The following NTRK3 variants were observed in gnomAD, a reference collection of about 807,000 sequenced individuals.
NTRK3 encodes NT-3 growth factor receptor.
Under a neutral mutation model 91.7 loss-of-function variants are expected in NTRK3, and 24 were observed. The observed-to-expected ratio is 0.26, with a 90% confidence interval of 0.19 to 0.37. The LOEUF (loss-of-function observed/expected upper bound fraction) is 0.37, where lower values mean the gene tolerates loss of function less well. NTRK3 is among the 10% of genes least tolerant of loss of function. The probability of loss-of-function intolerance (pLI) is 1.00; values close to 1 mark genes in which losing one functional copy is unlikely to be tolerated. For missense variants in NTRK3, 880 were observed against 1,068.9 expected (o/e 0.82, Z 2.46); for synonymous variants, 483 against 404.0 (o/e 1.20, Z -2.34).
chr15:88,138,227 C>T (rs1395601670), intron 6 of NTRK3, among the ~76,000 whole-genome samples: 1 of 151,494 alleles, frequency 6.6e-6, no homozygotes, highest in African/African-American at 2.4e-5. Context: ...CACTGTGAAA[C>T]CCCCATCTCT....
chr15:87,986,650 G>T (rs2141433362), intron 14 of NTRK3, among the ~76,000 whole-genome samples: 1 of 152,340 alleles, frequency 6.6e-6, no homozygotes, highest in African/African-American at 2.4e-5. Context: ...TCCATGATGT[G>T]AATATGCTAC....
chr15:88,155,675 T>C (rs2043822095), intron 5 of NTRK3, among the ~76,000 whole-genome samples: 1 of 152,118 alleles, frequency 6.6e-6, no homozygotes, highest in Admixed American at 6.5e-5. Context: ...ATAGATATAA[T>C]AAAAGACACA....
At chr15:87,867,704 T>G in exon 19 of NTRK3, 1 of 228,880 alleles carries the variant, frequency 4.4e-6, no homozygotes, top group Non-Finnish European at 8.7e-6. Flanking sequence ...ACGTTCTAAT[T>G]CAATTTGAGT....
intron 14 of NTRK3, among the ~76,000 whole-genome samples, chr15:88,012,394 C>T: frequency 6.6e-6 from 1 of 152,178 alleles, no homozygotes; most frequent in Non-Finnish European, 1.5e-5. Flanking sequence ...CTCATTCTTG[C>T]GCCTTGCTTA....
intron 3 of NTRK3, among the ~76,000 whole-genome samples, chr15:88,242,015 TC>T (rs2052404169): frequency 1.3e-5 from 2 of 152,082 alleles, no homozygotes; most frequent in Non-Finnish European, 2.9e-5. Context: ...TCAGAGACTC[TC>T]CAATAAACCC....
chr15:87,930,475 G>A (rs1310823443), intron 16 of NTRK3, among the ~76,000 whole-genome samples: 1 of 152,068 alleles, frequency 6.6e-6, no homozygotes, highest in African/African-American at 2.4e-5. Context: ...ATCTCCGGTG[G>A]GCTCTGCCTA....
At chr15:88,086,230 A>G (rs2150707203) in intron 13 of NTRK3, among the ~76,000 whole-genome samples, 2 of 152,312 alleles carry the variant, frequency 1.3e-5, no homozygotes, top group South Asian at 2.1e-4. Context: ...TATTTGTTCA[A>G]GTGTTCAAAA....
intron 17 of NTRK3, among the ~76,000 whole-genome samples, chr15:87,921,498 T>A (rs1435398): frequency 6.6e-6 from 1 of 151,960 alleles, no homozygotes; most frequent in African/African-American, 2.4e-5. Context: ...CTACTCCTGG[T>A]CTCAGAGGAA....
At chr15:88,004,078 C>T (rs2076313628) in intron 14 of NTRK3, among the ~76,000 whole-genome samples, 1 of 152,152 alleles carries the variant, frequency 6.6e-6, no homozygotes, top group African/African-American at 2.4e-5. Flanking sequence ...GTGCCTCTGA[C>T]TTGATTCTAG....
chr15:88,068,655 G>C (rs2142647645), intron 13 of NTRK3, among the ~76,000 whole-genome samples: 1 of 152,254 alleles, frequency 6.6e-6, no homozygotes, highest in Admixed American at 6.5e-5. Flanking sequence ...AAGCAGCAAG[G>C]GGTCTTGCTG....
intron 17 of NTRK3, among the ~76,000 whole-genome samples, chr15:87,880,692 C>A (rs1331377859): frequency 6.6e-6 from 1 of 152,150 alleles, no homozygotes; most frequent in Non-Finnish European, 1.5e-5. Flanking sequence ...TCAAGGTAAT[C>A]TGAAGTGAGA....
At chr15:88,169,846 C>T (rs566157809) in intron 5 of NTRK3, among the ~76,000 whole-genome samples, 14 of 152,284 alleles carry the variant, frequency 9.2e-5, no homozygotes, top group African/African-American at 3.4e-4. Context: ...TGCTGACTTG[C>T]ACCCATCCTT....
intron 14 of NTRK3, among the ~76,000 whole-genome samples, chr15:87,980,784 A>G (rs778990582): frequency 9.9e-5 from 15 of 152,196 alleles, no homozygotes; most frequent in Non-Finnish European, 1.6e-4. Flanking sequence ...AGGTGGGGTC[A>G]GATTTGTGAA....
chr15:88,048,123 C>T lies in NTRK3; in HGVS notation c.1397-15078G>A, dbSNP rs140774588. On this transcript the variant is annotated intron_variant, in intron 13 of 18. Transcript: ENST00000394480. ...CAACGACGCAGCCATTGATTTTCCA[C>T]TCCCTCTTCTCCCTCTGTTCACTTC... Among the ~76,000 whole-genome samples the T allele has an allele frequency of 2.6e-5, 4 of 152,320 alleles. No homozygotes were observed. The East Asian group carries it at 7.7e-4, about 29-fold the overall frequency.
At chr15:88,037,841 TC>T (rs1428019372) in intron 13 of NTRK3, among the ~76,000 whole-genome samples, 1 of 152,208 alleles carries the variant, frequency 6.6e-6, no homozygotes, top group African/African-American at 2.4e-5. Flanking sequence ...TTATAATGCC[TC>T]TGTGACATTG....
chr15:88,163,359 G>A (rs1436947519), intron 5 of NTRK3, among the ~76,000 whole-genome samples: 2 of 152,150 alleles, frequency 1.3e-5, no homozygotes, highest in Non-Finnish European at 2.9e-5. Flanking sequence ...CAGAATGCCT[G>A]GCAAATTCTT....
intron 13 of NTRK3, among the ~76,000 whole-genome samples, chr15:88,083,220 T>C (rs770208267): frequency 1.3e-5 from 2 of 151,820 alleles, no homozygotes; most frequent in Non-Finnish European, 2.9e-5. Flanking sequence ...AGGGGAGTGG[T>C]ATTTCTTTTT....
In NTRK3 at chr15:88,255,908, G is replaced by A; in HGVS notation, c.246C>T (p.Ser82=). The A allele has an allele frequency of 1.9e-6, 3 of 1,610,034 alleles. No homozygotes were observed. Among genetic ancestry groups the A allele is most frequent in the Non-Finnish European group, 2.5e-6 (3 of 1,177,402 alleles). ...TGGGGAGCGGCCGCCTGACTTACATGGAAGTGATATTCCTTGAGATGTCCG... is the reference window on the plus strand; with the variant it reads ...TGGGGAGCGGCCGCCTGACTTACATAGAAGTGATATTCCTTGAGATGTCCG... The change falls in exon 3 of 19, where the codon TCC becomes TCT. Residue 82 remains serine (S), a splice_region_variant and synonymous_variant. Transcript: ENST00000394480. The surrounding 1 kb of genome is among the most constrained non-coding windows in gnomAD (Gnocchi z 4.3).
chr15:88,010,906 T>G (rs1445777360), intron 14 of NTRK3, among the ~76,000 whole-genome samples: 2 of 152,154 alleles, frequency 1.3e-5, no homozygotes, highest in African/African-American at 4.8e-5. Flanking sequence ...TGGATCTGGC[T>G]TGCATTCTAA....
Sources: allele counts gnomAD v4.1 joint callset (sites outside exome capture counted in the v4.1 genomes callset), GRCh38; gene constraint gnomAD v4.1.1; non-coding constraint Gnocchi (gnomAD v3.1); transcripts MANE v1.5; gene names NCBI Gene and HGNC (gene_info 2026-07-23, HGNC 2026-07-21).